Variants in ARMH3 observed in about 807,000 individuals in gnomAD.
The protein encoded by ARMH3 is armadillo-like helical domain-containing protein 3.
Under a neutral mutation model 99.1 loss-of-function variants are expected in ARMH3, and 60 were observed. The observed-to-expected ratio is 0.61, with a 90% confidence interval of 0.49 to 0.75. ARMH3 has a LOEUF of 0.75. ARMH3 is among the 30% of genes least tolerant of loss of function. The probability of loss-of-function intolerance (pLI) is 0.00; values close to 1 mark genes in which losing one functional copy is unlikely to be tolerated. For synonymous variants in ARMH3, 285 were observed against 292.8 expected (o/e 0.97, Z 0.27); for missense variants, 679 against 843.1 (o/e 0.81, Z 2.41).
chr10:101,959,055 C>G (rs1435874409), intron 20 of ARMH3, among the ~76,000 whole-genome samples: 1 of 152,180 alleles, frequency 6.6e-6, no homozygotes, highest in East Asian at 1.9e-4. Flanking sequence ...TTTACCCCGG[C>G]CCCAACTTGA....
At chr10:101,867,472 C>T (rs918326714) in intron 24 of ARMH3, among the ~76,000 whole-genome samples, 1 of 152,076 alleles carries the variant, frequency 6.6e-6, no homozygotes, top group African/African-American at 2.4e-5. Flanking sequence ...TGGGAGAAAA[C>T]CCAATTGGAG....
At chr10:101,969,784 C>G (rs960027743) in intron 20 of ARMH3, among the ~76,000 whole-genome samples, 3 of 152,128 alleles carry the variant, frequency 2.0e-5, no homozygotes, top group African/African-American at 7.2e-5. Flanking sequence ...TGATCTGTGT[C>G]TGAGCATAGG....
At chr10:101,932,680 T>C (rs1843770755) in intron 23 of ARMH3, among the ~76,000 whole-genome samples, 2 of 152,238 alleles carry the variant, frequency 1.3e-5, no homozygotes, top group East Asian at 1.9e-4. Context: ...TATTTTATAA[T>C]TCCTCTTATA....
intron 23 of ARMH3, among the ~76,000 whole-genome samples, chr10:101,892,677 A>G (rs1189051615): frequency 2.0e-5 from 3 of 152,244 alleles, no homozygotes; most frequent in African/African-American, 2.4e-5. Flanking sequence ...TTGCAGCCAT[A>G]TAAGAAATAT....
intron 1 of ARMH3, among the ~76,000 whole-genome samples, chr10:102,044,995 G>A (rs775278293): frequency 2.0e-5 from 3 of 151,944 alleles, no homozygotes; most frequent in Non-Finnish European, 2.9e-5. Flanking sequence ...AATTAGACAG[G>A]CGTGATGGCG....
At chr10:101,992,527 G>A (rs572081092) in intron 17 of ARMH3, among the ~76,000 whole-genome samples, 19 of 147,250 alleles carry the variant, frequency 1.3e-4, no homozygotes, top group African/African-American at 3.7e-4. Context: ...ACGGAGTCTC[G>A]CTCTGTTGCC....
At chr10:101,900,897 T>C (rs1456093418) in intron 23 of ARMH3, among the ~76,000 whole-genome samples, 4 of 151,966 alleles carry the variant, frequency 2.6e-5, no homozygotes, top group South Asian at 2.1e-4. Flanking sequence ...GGCATGAGAA[T>C]TGCTTGAACC....
At chr10:101,927,978 G>C (rs887272583) in intron 23 of ARMH3, among the ~76,000 whole-genome samples, 1 of 152,194 alleles carries the variant, frequency 6.6e-6, no homozygotes. Context: ...GGAGGCTGAG[G>C]CACGAGAATC....
chr10:101,909,463 C>CTTTTTTTTTTTT (rs61122631), intron 23 of ARMH3, among the ~76,000 whole-genome samples: 2 of 71,714 alleles, frequency 2.8e-5, no homozygotes, highest in Non-Finnish European at 4.8e-5. Context: ...CAAGCTTCCT[C>CTTTTTTTTTTTT]TTTTTTTTTT....
chr10:101,939,452 C>T (rs902640821), intron 23 of ARMH3, among the ~76,000 whole-genome samples: 1 of 152,134 alleles, frequency 6.6e-6, no homozygotes. Context: ...CTCCAATTGC[C>T]TCTGTTTACC....
At chr10:102,014,958 C>T (rs780356468) in intron 8 of ARMH3, among the ~76,000 whole-genome samples, 2 of 152,126 alleles carry the variant, frequency 1.3e-5, no homozygotes, top group Non-Finnish European at 2.9e-5. Flanking sequence ...AAACTCATAA[C>T]TAAGAAACTT....
At chr10:101,954,038 A>G (rs1844916909) in intron 22 of ARMH3, among the ~76,000 whole-genome samples, 1 of 152,154 alleles carries the variant, frequency 6.6e-6, no homozygotes, top group Non-Finnish European at 1.5e-5. Flanking sequence ...CTAAAAATAC[A>G]AAAATGACCC....
At chr10:101,996,235 T>G (rs188125619) in intron 15 of ARMH3, among the ~76,000 whole-genome samples, 17 of 152,316 alleles carry the variant, frequency 1.1e-4, no homozygotes, top group Non-Finnish European at 2.5e-4. Context: ...GCTCATGATT[T>G]TCAAATTAGC....
chr10:101,986,486 C>T (rs1199272271), intron 19 of ARMH3, among the ~76,000 whole-genome samples: 1 of 151,630 alleles, frequency 6.6e-6, no homozygotes, highest in Non-Finnish European at 1.5e-5. Flanking sequence ...CTTCCCCCAT[C>T]ATTACCTACA....
At chr10:101,894,565 G>A (rs1024724616) in intron 23 of ARMH3, among the ~76,000 whole-genome samples, 1 of 152,212 alleles carries the variant, frequency 6.6e-6, no homozygotes, top group African/African-American at 2.4e-5. Context: ...TGCTTGACTA[G>A]CTCTTGGCGG....
intron 2 of ARMH3, among the ~76,000 whole-genome samples, chr10:102,036,866 TAA>T (rs750365326): frequency 1.4e-4 from 11 of 77,888 alleles, no homozygotes; most frequent in Non-Finnish European, 1.4e-4. Context: ...GAATGATCAA[TAA>T]AAAAAAAAAA....
chr10:102,052,864 C>T (rs1367191963), intron 1 of ARMH3, among the ~76,000 whole-genome samples: 3 of 152,124 alleles, frequency 2.0e-5, no homozygotes, highest in African/African-American at 7.2e-5. Context: ...TCCATCGGTA[C>T]ATCCTACAAG....
intron 4 of ARMH3, 21 bp from the exon 5 acceptor site, chr10:102,029,766 A>G (rs766963218): frequency 1.9e-5 from 31 of 1,603,554 alleles, no homozygotes; most frequent in Non-Finnish European, 2.6e-5. Flanking sequence ...GAGAGAAAGA[A>G]TTCTTTCTGG....
In ARMH3 at chr10:101,847,571, A is replaced by T. The variant is rs750547851; in HGVS notation, c.2027T>A (p.Leu676His). ...CTCCTTGAGCAGGACTTCTTGGCTGAGTGTGTGGAAGGCCAGGTTTCTCCG... is the reference window on the plus strand; with the variant it reads ...CTCCTTGAGCAGGACTTCTTGGCTGTGTGTGTGGAAGGCCAGGTTTCTCCG... ...NVRRNLAFHT[L>H]SQEVLLKEFS... is the part of the protein sequence containing the mutation. Residue 676 changes from leucine (L) to histidine (H), a missense_variant, in exon 26 of 26, where the codon CTC becomes CAC. By Grantham distance (99) the Leu-to-His change is moderately conservative. Coordinates refer to ENST00000370033, the MANE Select transcript of ARMH3 (RefSeq NM_024541.3). 1 of 1,614,006 alleles carries T rather than the reference A, an allele frequency of 6.2e-7. No homozygotes were observed. The highest frequency in any genetic ancestry group is 8.5e-7 in the Non-Finnish European group (1 of 1,179,994).
Sources: allele counts gnomAD v4.1 joint callset (sites outside exome capture counted in the v4.1 genomes callset), GRCh38; gene constraint gnomAD v4.1.1; transcripts MANE v1.5; gene names NCBI Gene and HGNC (gene_info 2026-07-23, HGNC 2026-07-21).